RAPGEF4: variants seen among roughly 807,000 people sequenced by gnomAD.
RAPGEF4 encodes RAP guanine-nucleotide-exchange factor (GEF) 4.
Under a neutral mutation model 147.9 loss-of-function variants are expected in RAPGEF4, and 66 were observed. The ratio of observed to expected loss-of-function variants is 0.45; its 90% CI spans 0.37 to 0.55. RAPGEF4 has a LOEUF of 0.55. RAPGEF4 is among the 20% of genes least tolerant of loss of function. RAPGEF4 has a pLI of 0.00. For missense variants in RAPGEF4, 1,071 were observed against 1,257.3 expected (o/e 0.85, Z 2.24); for synonymous variants, 419 against 442.7 (o/e 0.95, Z 0.67).
chr2:172,946,196 T>C (rs1030697281), intron 6 of RAPGEF4, among the ~76,000 whole-genome samples: 4 of 152,104 alleles, frequency 2.6e-5, no homozygotes, highest in Non-Finnish European at 4.4e-5. Flanking sequence ...AAAGGAAAGA[T>C]ACAAAATTTT....
chr2:172,810,537 AG>A (rs1330301197), intron 3 of RAPGEF4, among the ~76,000 whole-genome samples: 1 of 152,206 alleles, frequency 6.6e-6, no homozygotes, highest in Non-Finnish European at 1.5e-5. Context: ...GGAGTGATCC[AG>A]TGGACTGAGA....
intron 1 of RAPGEF4, among the ~76,000 whole-genome samples, chr2:172,793,714 G>A (rs1004322389): frequency 2.0e-5 from 3 of 152,220 alleles, no homozygotes; most frequent in Admixed American, 1.3e-4. Flanking sequence ...TTTATGTAGT[G>A]TGTAAAACTG....
chr2:172,814,481 G>A, intron 4 of RAPGEF4, 56 bp downstream of exon 4: 1 of 1,569,292 alleles, frequency 6.4e-7, no homozygotes, highest in Non-Finnish European at 8.8e-7. Flanking sequence ...AAAGGGAGCT[G>A]CCACATGGAT....
At chr2:173,014,435 G>A in intron 17 of RAPGEF4, 29 bp from the exon 18 acceptor site, 3 of 1,612,684 alleles carry the variant, frequency 1.9e-6, no homozygotes, top group Non-Finnish European at 2.5e-6. Context: ...GTGTGAAATG[G>A]CTCAATTTCT....
intron 1 of RAPGEF4, among the ~76,000 whole-genome samples, chr2:172,753,167 T>C (rs575451138): frequency 2.0e-5 from 3 of 152,202 alleles, no homozygotes; most frequent in Non-Finnish European, 4.4e-5. Flanking sequence ...TTAGCCCTAG[T>C]ATTGTTTTGA....
intron 1 of RAPGEF4, among the ~76,000 whole-genome samples, chr2:172,762,647 C>A (rs1696458987): frequency 1.3e-5 from 2 of 152,192 alleles, no homozygotes; most frequent in African/African-American, 2.4e-5. Flanking sequence ...ACACACCTGG[C>A]TGTTGAGCAA....
intron 10 of RAPGEF4, among the ~76,000 whole-genome samples, chr2:172,971,532 T>A (rs1690486594): frequency 6.6e-6 from 1 of 152,222 alleles, no homozygotes; most frequent in African/African-American, 2.4e-5. Context: ...AAACTTGAGT[T>A]CGTTTATTTT....
chr2:172,821,819 C>G (rs1689096709), intron 4 of RAPGEF4: 1 of 1,378,720 alleles, frequency 7.3e-7, no homozygotes, highest in Non-Finnish European at 9.4e-7. Context: ...CCATCAGCAC[C>G]AGTTTCCTTT....
At chr2:173,003,377 G>A (rs1694139878) in intron 17 of RAPGEF4, among the ~76,000 whole-genome samples, 1 of 152,178 alleles carries the variant, frequency 6.6e-6, no homozygotes, top group African/African-American at 2.4e-5. Context: ...CTGTAGACGG[G>A]GGAATCCAGG....
chr2:172,944,016 A>T (rs1271002695), intron 6 of RAPGEF4, among the ~76,000 whole-genome samples: 1 of 152,202 alleles, frequency 6.6e-6, no homozygotes, highest in Non-Finnish European at 1.5e-5. Context: ...ACAGTCAGTC[A>T]CCTAAGGCAT....
chr2:173,051,360 A>T (rs1259125442), intron 30 of RAPGEF4, among the ~76,000 whole-genome samples: 1 of 151,810 alleles, frequency 6.6e-6, no homozygotes, highest in Non-Finnish European at 1.5e-5. Context: ...GCTATCAGAC[A>T]CATGCTTCCC....
At chr2:173,046,135 A>G (rs1476819919) in intron 29 of RAPGEF4, among the ~76,000 whole-genome samples, 1 of 152,250 alleles carries the variant, frequency 6.6e-6, no homozygotes, top group Non-Finnish European at 1.5e-5. Context: ...GTGAAGCCAG[A>G]TTTGGATTTC....
intron 4 of RAPGEF4, among the ~76,000 whole-genome samples, chr2:172,891,600 G>A (rs1697920488): frequency 6.6e-6 from 1 of 152,176 alleles, no homozygotes; most frequent in South Asian, 2.1e-4. Context: ...GGTTCTGCGT[G>A]GTGGGATCAG....
chr2:173,013,851 A>G (rs896537290), intron 17 of RAPGEF4, among the ~76,000 whole-genome samples: 1 of 152,182 alleles, frequency 6.6e-6, no homozygotes, highest in African/African-American at 2.4e-5. Context: ...AGAGAAGAAG[A>G]TATGGTGTAA....
chr2:172,749,541 G>T (rs1055571581), intron 1 of RAPGEF4, among the ~76,000 whole-genome samples: 4 of 152,226 alleles, frequency 2.6e-5, no homozygotes, highest in Admixed American at 6.5e-5. Context: ...CAGCAGGGGG[G>T]CCCTGGGCCC....
intron 17 of RAPGEF4, 32 bp downstream of exon 17, chr2:173,001,376 TC>T: frequency 6.2e-7 from 1 of 1,612,300 alleles, no homozygotes; most frequent in South Asian, 1.1e-5. Flanking sequence ...AAGTCCCTAT[TC>T]CCTCGAAGAC....
At chr2:172,739,497 G>A (rs1457162605) in intron 1 of RAPGEF4, among the ~76,000 whole-genome samples, 1 of 151,896 alleles carries the variant, frequency 6.6e-6, no homozygotes, top group Non-Finnish European at 1.5e-5. Context: ...TCAGCCTCCC[G>A]AGTAGCTGGG....
chr2:172,796,170 G>A (rs1686340003), intron 2 of RAPGEF4, among the ~76,000 whole-genome samples: 1 of 152,072 alleles, frequency 6.6e-6, no homozygotes, highest in Non-Finnish European at 1.5e-5. Context: ...TCTAAAACCT[G>A]GGTTCAGTTA....
At chr2:172,988,355 A>C in intron 13 of RAPGEF4, 83 bp downstream of exon 13, 1 of 1,510,254 alleles carries the variant, frequency 6.6e-7, no homozygotes, top group Non-Finnish European at 8.8e-7. Context: ...TAGTGCCACA[A>C]TTAAATTTGC....
Sources: allele counts gnomAD v4.1 joint callset (sites outside exome capture counted in the v4.1 genomes callset), GRCh38; gene constraint gnomAD v4.1.1; transcripts MANE v1.5; gene names NCBI Gene and HGNC (gene_info 2026-07-23, HGNC 2026-07-21).